IGSF21: variants seen among roughly 807,000 people sequenced by gnomAD.
IGSF21 encodes the protein immunoglobulin superfamily member 21.
In IGSF21, 28 loss-of-function variants were observed where a neutral mutation model predicts 46.8. That is an observed-to-expected ratio of 0.60 (90% CI 0.44 to 0.82). The LOEUF (loss-of-function observed/expected upper bound fraction) is 0.82. IGSF21 is among the 40% of genes least tolerant of loss of function. IGSF21 has a pLI of 0.00. For synonymous variants in IGSF21, 284 were observed against 273.6 expected, an observed-to-expected ratio of 1.04 and a Z score of -0.38; for missense variants, 624 against 665.5, an observed-to-expected ratio of 0.94 and a Z score of 0.69.
chr1:18,252,045 GTT>G lies in IGSF21; in HGVS notation c.183+24057_183+24058del, dbSNP rs59704256. 6.2e-3 allele frequency among the ~76,000 whole-genome samples: 445 copies of G among 71,978 alleles called. 2 individuals are homozygous for G. Among genetic ancestry groups the G allele is most frequent in the African/African-American group, 0.024 (425 of 17,852 alleles). The allele number at this position is 71,978 out of a possible 152,430, so 47.2% of individuals were successfully genotyped here. ...GGCTGGAACACTTTCTGACCAAGGC[GTT>G]TTTTTTTTTTTTTTTTTTTTTGAGA... On this transcript the variant is annotated intron_variant, in intron 2 of 9. Coordinates refer to ENST00000251296, the MANE Select transcript of IGSF21 (RefSeq NM_032880.5).
At chr1:18,279,275 C>A (rs1350350284) in intron 2 of IGSF21, among the ~76,000 whole-genome samples, 2 of 152,324 alleles carry the variant, frequency 1.3e-5, no homozygotes, top group Non-Finnish European at 2.9e-5. Context: ...TCTCTTCCAT[C>A]TTCCTTAATT....
intron 1 of IGSF21, among the ~76,000 whole-genome samples, chr1:18,192,421 A>C (rs1219951882): frequency 2.0e-5 from 3 of 152,210 alleles, no homozygotes; most frequent in African/African-American, 7.2e-5. Flanking sequence ...GAATTAATGG[A>C]AGTACTCGAG....
intron 3 of IGSF21, among the ~76,000 whole-genome samples, chr1:18,333,760 C>G (rs2085737869): frequency 6.6e-6 from 1 of 152,210 alleles, no homozygotes; most frequent in Non-Finnish European, 1.5e-5. Context: ...TTCACATGGT[C>G]TGACCCTATA....
In IGSF21 at chr1:18,335,795, G is replaced by A. The variant is rs186033031; in HGVS notation, c.424+785G>A. On this transcript the variant is annotated intron_variant, in intron 4 of 9. Transcript: ENST00000251296. This position sits in a 1 kb window ranked among gnomAD's most constrained non-coding sequence, Gnocchi z 4.8. ...AAGCATAAAGGCCCTGCTGAAAGCC[G>A]CCGCTTCTGGGGAAATTGAAAACCT... 2.6e-3 allele frequency among the ~76,000 whole-genome samples: 399 copies of A among 152,312 alleles called. 1 individual carries two copies. The highest frequency in any genetic ancestry group is 9.2e-3 in the African/African-American group (384 of 41,570).
At chr1:18,293,620 A>T (rs2124567586) in intron 3 of IGSF21, among the ~76,000 whole-genome samples, 1 of 152,314 alleles carries the variant, frequency 6.6e-6, no homozygotes, top group African/African-American at 2.4e-5. Context: ...CACACCTAAA[A>T]CAAGCCAGTT....
intron 1 of IGSF21, among the ~76,000 whole-genome samples, chr1:18,172,768 C>G (rs1488721473): frequency 6.6e-6 from 1 of 152,216 alleles, no homozygotes; most frequent in Non-Finnish European, 1.5e-5. Context: ...CATATCACAA[C>G]TGCACACCCA....
chr1:18,313,277 A>T (rs553423018), intron 3 of IGSF21, among the ~76,000 whole-genome samples: 1 of 152,280 alleles, frequency 6.6e-6, no homozygotes, highest in East Asian at 1.9e-4. Flanking sequence ...GGAACCAGTC[A>T]TGGAACTGGG....
At chr1:18,325,166 A>T (rs1391623951) in intron 3 of IGSF21, among the ~76,000 whole-genome samples, 3 of 152,252 alleles carry the variant, frequency 2.0e-5, no homozygotes, top group Non-Finnish European at 4.4e-5. Flanking sequence ...AGCAAGGCTC[A>T]GCATTCGGTT....
At chr1:18,374,405 C>T (rs766126983) in intron 6 of IGSF21, among the ~76,000 whole-genome samples, 17 of 152,154 alleles carry the variant, frequency 1.1e-4, no homozygotes, top group Non-Finnish European at 1.5e-4. Flanking sequence ...AACGGCCCCG[C>T]GTGTTAGGCA....
At chr1:18,233,069 G>A (rs746260379) in intron 2 of IGSF21, among the ~76,000 whole-genome samples, 1 of 152,222 alleles carries the variant, frequency 6.6e-6, no homozygotes, top group Non-Finnish European at 1.5e-5. Flanking sequence ...AGAATCATGG[G>A]AGTTTAACCT....
chr1:18,188,690 G>A (rs2086926994), intron 1 of IGSF21, among the ~76,000 whole-genome samples: 1 of 152,186 alleles, frequency 6.6e-6, no homozygotes, highest in Non-Finnish European at 1.5e-5. Flanking sequence ...ACTGTGCAGA[G>A]CACTTCATGT....
chr1:18,157,048 C>T (rs574793844), intron 1 of IGSF21, among the ~76,000 whole-genome samples: 2 of 152,132 alleles, frequency 1.3e-5, no homozygotes, highest in Admixed American at 1.3e-4. Flanking sequence ...TGCTTGAACC[C>T]GGAAGGCGGA....
At chr1:18,150,956 G>A (rs10796459) in intron 1 of IGSF21, among the ~76,000 whole-genome samples, 135,711 of 152,232 alleles carry the variant, frequency 0.89, 60,504 homozygotes, top group East Asian at 0.93. Flanking sequence ...TAGTGCCATC[G>A]GGAAAAAAAG....
rs138373673 is a variant in IGSF21, at chr1:18,266,881, G to A, written c.184-24985G>A. 5.7e-4 allele frequency among the ~76,000 whole-genome samples: 87 copies of A among 152,342 alleles called. 1 individual carries two copies. The East Asian group carries it at 0.011, about 19-fold the overall frequency. The stretch of plus-strand genomic sequence containing the variant: ...AAGAGGGACCACCTGAGAGTCTCAT[G>A]ACCCTGGATTCCACCTCTGTGAGCT... On this transcript the variant is annotated intron_variant, in intron 2 of 9. Transcript: ENST00000251296.
chr1:18,343,243 T>G (rs766183830), intron 4 of IGSF21, among the ~76,000 whole-genome samples: 2 of 152,224 alleles, frequency 1.3e-5, no homozygotes, highest in Non-Finnish European at 2.9e-5. Flanking sequence ...TTTGGACATC[T>G]TCTTTGGAGA....
chr1:18,152,275 G>A (rs1450240961), intron 1 of IGSF21, among the ~76,000 whole-genome samples: 1 of 152,178 alleles, frequency 6.6e-6, no homozygotes, highest in Non-Finnish European at 1.5e-5. Context: ...ACTCCAGAAG[G>A]TCATGCCTGA....
intron 3 of IGSF21, among the ~76,000 whole-genome samples, chr1:18,321,596 C>T (rs2085601805): frequency 6.6e-6 from 1 of 152,204 alleles, no homozygotes; most frequent in Non-Finnish European, 1.5e-5. Context: ...CACTACTTGG[C>T]ACATGGAGCC....
At chr1:18,281,243 T>C (rs9727577) in intron 2 of IGSF21, among the ~76,000 whole-genome samples, 6,195 of 101,414 alleles carry the variant, frequency 0.061, 412 homozygotes, top group African/African-American at 0.2. Context: ...GTTACAGGAA[T>C]GCACACCGAG....
At chr1:18,278,037 A>G (rs1000716510) in intron 2 of IGSF21, among the ~76,000 whole-genome samples, 2 of 152,130 alleles carry the variant, frequency 1.3e-5, no homozygotes, top group African/African-American at 4.8e-5. Context: ...ACCTCAAAAG[A>G]AAAGGAATTG....
Sources: gnomAD v4.1 joint callset for allele counts (sites outside exome capture counted in the v4.1 genomes callset) on GRCh38, gnomAD v4.1.1 for gene constraint, Gnocchi (gnomAD v3.1) non-coding constraint, MANE v1.5 for transcripts, NCBI Gene and HGNC (gene_info 2026-07-23, HGNC 2026-07-21) for gene names.